The following STK31 variants were observed in gnomAD, a reference collection of about 807,000 sequenced individuals.
STK31 encodes the protein serine/threonine-protein kinase 31.
Under a neutral mutation model 129.7 loss-of-function variants are expected in STK31, and 89 were observed. The observed-to-expected ratio is 0.69, with a 90% confidence interval of 0.58 to 0.82. The LOEUF (loss-of-function observed/expected upper bound fraction) is 0.82, where lower values mean the gene tolerates loss of function less well. Among genes scored for constraint, STK31 ranks in the 40% least tolerant of loss-of-function variants. The pLI, the probability that STK31 is intolerant of heterozygous loss-of-function variation, is 0.00. For missense variants in STK31, 1,187 were observed against 1,176.4 expected, an observed-to-expected ratio of 1.01 and a Z score of -0.13; for synonymous variants, 448 against 395.3, an observed-to-expected ratio of 1.13 and a Z score of -1.58.
At chr7:23,710,868 T>A in intron 1 of STK31, 1 of 860,612 alleles carries the variant, frequency 1.2e-6, no homozygotes, top group Non-Finnish European at 1.4e-6. Context: ...TTACTGAATT[T>A]AAGCCTTAAT....
intron 23 of STK31, 148 bp downstream of exon 23, chr7:23,815,360 A>T: frequency 1.9e-6 from 1 of 529,254 alleles, no homozygotes. Flanking sequence ...CAGGTGCCCT[A>T]CTTAACACCA....
At chr7:23,780,199 G>A (rs1463726073) in intron 15 of STK31, among the ~76,000 whole-genome samples, 1 of 151,944 alleles carries the variant, frequency 6.6e-6, no homozygotes, top group Non-Finnish European at 1.5e-5. Context: ...GAGATAAGCC[G>A]GGTACCTCAG....
At chr7:23,814,542 G>A (rs1485438991) in intron 22 of STK31, among the ~76,000 whole-genome samples, 1 of 152,010 alleles carries the variant, frequency 6.6e-6, no homozygotes, top group Non-Finnish European at 1.5e-5. Flanking sequence ...ATATTTATAG[G>A]TGAAATTATG....
At chr7:23,710,407 T>C in intron 1 of STK31, 72 bp downstream of exon 1, 1 of 1,609,192 alleles carries the variant, frequency 6.2e-7, no homozygotes, top group Non-Finnish European at 8.5e-7. Flanking sequence ...GCTTGCGTTT[T>C]AAGTCTCCAA....
intron 8 of STK31, among the ~76,000 whole-genome samples, chr7:23,751,481 C>T (rs1788704301): frequency 1.3e-5 from 2 of 152,192 alleles, no homozygotes; most frequent in South Asian, 4.1e-4. Context: ...CATTACCCAG[C>T]ATATGGTCTG....
At chr7:23,774,679 C>A (rs1406468189) in intron 15 of STK31, among the ~76,000 whole-genome samples, 1 of 152,116 alleles carries the variant, frequency 6.6e-6, no homozygotes, top group Non-Finnish European at 1.5e-5. Flanking sequence ...GGATATTAAA[C>A]CTTTGTCAGA....
At position 23,811,419 on chromosome 7, in the gene STK31, C is replaced by T. The variant is rs180955370; in HGVS notation, c.2761-3725C>T. On this transcript the variant is annotated intron_variant, in intron 22 of 23. Coordinates refer to ENST00000355870, the MANE Select transcript of STK31 (RefSeq NM_031414.5). Reference sequence around the variant, plus strand: ...TTGTAGGCTTCTTTTATGAAGCCAGCTTGCTGCAAGTGATGGTTCATGACA... The same window carrying T: ...TTGTAGGCTTCTTTTATGAAGCCAGTTTGCTGCAAGTGATGGTTCATGACA... 1,253 of 336,110 alleles carry T rather than the reference C, an allele frequency of 3.7e-3. 6 individuals carry two copies. Among genetic ancestry groups the T allele is most frequent in the Middle Eastern group, 0.016 (14 of 866 alleles). The allele number at this position is 336,110 out of a possible 1,614,324, so 20.8% of individuals were successfully genotyped here. A position where few individuals can be genotyped will look rare whatever the true frequency, so the allele number is the denominator to read the frequency against.
upstream of STK31, chr7:23,710,157 G>C: frequency 6.5e-7 from 1 of 1,532,020 alleles, no homozygotes; most frequent in Non-Finnish European, 8.9e-7. Flanking sequence ...GCTGCCACGT[G>C]ACTCCCGCTA....
intron 15 of STK31, among the ~76,000 whole-genome samples, chr7:23,773,731 G>T (rs943627461): frequency 4.2e-5 from 4 of 95,384 alleles, no homozygotes; most frequent in African/African-American, 2.0e-4. Context: ...GTGTGTGTGT[G>T]TGAGTGTGTG....
chr7:23,823,654 A>G (rs1204662879), intron 23 of STK31, among the ~76,000 whole-genome samples: 3 of 152,190 alleles, frequency 2.0e-5, no homozygotes, highest in African/African-American at 7.2e-5. Flanking sequence ...TTGGTGTTTT[A>G]GACATGAAGT....
intron 21 of STK31, among the ~76,000 whole-genome samples, chr7:23,789,689 A>G (rs73082958): frequency 0.1 from 15,278 of 152,170 alleles, 840 homozygotes; most frequent in Middle Eastern, 0.16. Context: ...ATCCTAAGAA[A>G]TATAACTAAA....
intron 22 of STK31, among the ~76,000 whole-genome samples, chr7:23,813,356 G>C (rs867982709): frequency 6.6e-6 from 1 of 151,994 alleles, no homozygotes; most frequent in Non-Finnish European, 1.5e-5. Context: ...GAAAGTTCTT[G>C]TCAGATAATT....
chr7:23,774,394 AC>A (rs1319912091), intron 15 of STK31, among the ~76,000 whole-genome samples: 1 of 152,176 alleles, frequency 6.6e-6, no homozygotes. Flanking sequence ...TTACAGTCCC[AC>A]CAACAGTGTA....
At chr7:23,720,586 A>C (rs1187482884) in intron 4 of STK31, among the ~76,000 whole-genome samples, 1 of 152,210 alleles carries the variant, frequency 6.6e-6, no homozygotes, top group South Asian at 2.1e-4. Context: ...AAGAAAAAAT[A>C]CTGAAAATGT....
chr7:23,735,408 T>G (rs748990075), intron 6 of STK31, 130 bp from the exon 7 acceptor site: 2 of 777,724 alleles, frequency 2.6e-6, no homozygotes, highest in Non-Finnish European at 4.1e-6. Context: ...ATTTGCATAT[T>G]ATAGCCAACA....
intron 4 of STK31, among the ~76,000 whole-genome samples, chr7:23,725,425 C>A (rs140263607): frequency 6.8e-6 from 1 of 146,658 alleles, no homozygotes; most frequent in Non-Finnish European, 1.5e-5. Context: ...TGCCTGTAAC[C>A]CCAGATATTT....
Position 23,754,302 on chromosome 7 carries a change from T to C in STK31, c.1134-13T>C, listed in dbSNP as rs1296141754. 1.3e-6 allele frequency: 2 copies of C among 1,598,240 alleles called. No individual in the cohort carries two copies. The highest frequency in any genetic ancestry group is 1.7e-6 in the Non-Finnish European group (2 of 1,175,900). On this transcript the variant is annotated splice_polypyrimidine_tract_variant and intron_variant, in intron 9 of 23. Transcript: ENST00000355870. ...TTTATTGATCTTCTTCTTTTTGATG[T>C]TTTTAAAAATAGGCATGTCGACATC... is the stretch of plus-strand genomic sequence containing the variant.
At chr7:23,765,161 T>G (rs937546648) in intron 11 of STK31, among the ~76,000 whole-genome samples, 1 of 152,074 alleles carries the variant, frequency 6.6e-6, no homozygotes, top group Non-Finnish European at 1.5e-5. Flanking sequence ...TTCAAGCGAT[T>G]CTCCTGCCTC....
chr7:23,747,115 A>T, intron 8 of STK31, among the ~76,000 whole-genome samples: 1 of 152,098 alleles, frequency 6.6e-6, no homozygotes, highest in East Asian at 1.9e-4. Context: ...TTCGTGACAT[A>T]TATTGGTTTG....
Sources: gnomAD v4.1 joint callset for allele counts (sites outside exome capture counted in the v4.1 genomes callset) on GRCh38, gnomAD v4.1.1 for gene constraint, MANE v1.5 for transcripts, NCBI Gene and HGNC (gene_info 2026-07-23, HGNC 2026-07-21) for gene names.